The following ZDHHC8 variants were observed in gnomAD, a reference collection of about 807,000 sequenced individuals.
ZDHHC8 encodes the protein zDHHC palmitoyltransferase 8, also known as palmitoyltransferase ZDHHC8.
A neutral mutation model predicts 61.2 loss-of-function variants in ZDHHC8; 24 were observed. The ratio of observed to expected loss-of-function variants is 0.39; its 90% CI spans 0.28 to 0.55. The LOEUF is 0.55. Ranked by LOEUF, ZDHHC8 falls within the 20% of genes least tolerant of loss-of-function variation. The probability of loss-of-function intolerance (pLI) is 0.60; values close to 1 mark genes in which losing one functional copy is unlikely to be tolerated. For synonymous variants in ZDHHC8, 523 were observed against 492.5 expected (o/e 1.06, Z -0.82); for missense variants, 935 against 1,102.1 (o/e 0.85, Z 2.15).
chr22:20,144,937 C>T (rs4819866), intron 10 of ZDHHC8, among the ~76,000 whole-genome samples: 19,732 of 152,230 alleles, frequency 0.13, 2,220 homozygotes, highest in East Asian at 0.52. Flanking sequence ...CCCATGCTCT[C>T]TGTGGCCAGT....
chr22:20,144,006 GTTC>G (rs1374528586), intron 10 of ZDHHC8, among the ~76,000 whole-genome samples: 3 of 152,176 alleles, frequency 2.0e-5, no homozygotes, highest in Non-Finnish European at 4.4e-5. Flanking sequence ...CCGACGACTC[GTTC>G]TTCTAGAGCT....
Position 20,146,794 on chromosome 22 carries a change from G to A in ZDHHC8, c.*1394G>A. The A allele has an allele frequency of 8.1e-7, 1 of 1,235,614 alleles. No homozygotes were observed. The highest frequency in any genetic ancestry group is 1.0e-6 in the Non-Finnish European group (1 of 990,246). 76.5% of individuals were successfully genotyped at this position (1,235,614 alleles called of 1,614,324 possible). ...GGGGAGATGAAATGGGGGTGCATAGGGGCCACCTGTTGGCTCAGGGCCCTG... is the reference window on the plus strand; with the variant it reads ...GGGGAGATGAAATGGGGGTGCATAGAGGCCACCTGTTGGCTCAGGGCCCTG... On this transcript the variant is annotated 3_prime_UTR_variant, in exon 11 of 11. Transcript: ENST00000334554.
Position 20,139,211 on chromosome 22 carries a change from G to A in ZDHHC8, c.122G>A (p.Arg41Gln), listed in dbSNP as rs750468437. Residue 41 changes from arginine to glutamine, a missense_variant, in exon 2 of 11, where the codon CGA (arginine) becomes CAA (glutamine). By Grantham distance (43) the Arg-to-Gln change is conservative (BLOSUM62 1). Around this residue, in one of 3 missense-constraint regions of ZDHHC8, gnomAD observed 199 missense variants for 334.0 expected, o/e 0.60. Transcript: ENST00000334554. ...TACTGCAGGTGCCCGTGGTTGACAC[G>A]AGCTGTGTCCCCAGCTGTTCCCGTC... ...FFVFTCPWLTRAVSPAVPVYN... is the reference protein window; with the variant it reads ...FFVFTCPWLTQAVSPAVPVYN... 5.6e-6 allele frequency: 9 copies of A among 1,613,576 alleles called. No individual in the cohort carries two copies. The highest frequency in any genetic ancestry group is 2.2e-5 in the East Asian group (1 of 44,900).
intron 1 of ZDHHC8, among the ~76,000 whole-genome samples, chr22:20,136,383 T>C (rs2050420421): frequency 6.6e-6 from 1 of 152,366 alleles, no homozygotes; most frequent in South Asian, 2.1e-4. Flanking sequence ...CCTGTCCCCA[T>C]GTGTCCTCAT....
At chr22:20,141,617 GC>G in intron 9 of ZDHHC8, 87 bp downstream of exon 9, 3 of 1,134,706 alleles carry the variant, frequency 2.6e-6, no homozygotes, top group Non-Finnish European at 3.8e-6. Flanking sequence ...CCCCGTGAAG[GC>G]CCCACCTCCA....
In ZDHHC8 at chr22:20,141,210, C is replaced by T. The variant is rs201416007; in HGVS notation, c.895-7C>T. Reference sequence around the variant, plus strand: ...CCCCACACACCACTGACCCCGCTCCCTCCCAGTCCAAGGGCAGCCTGGACC... The same window carrying T: ...CCCCACACACCACTGACCCCGCTCCTTCCCAGTCCAAGGGCAGCCTGGACC... On this transcript the variant is annotated splice_region_variant and splice_polypyrimidine_tract_variant and intron_variant, in intron 7 of 10. Coordinates refer to ENST00000334554, the MANE Select transcript of ZDHHC8 (RefSeq NM_013373.4). 8.7e-6 allele frequency: 14 copies of T among 1,610,092 alleles called. No individual in the cohort carries two copies. The African/African-American group carries it at 1.3e-4, about 15-fold the overall frequency.
At chr22:20,141,137 G>T (rs2050465624) in intron 7 of ZDHHC8, 80 bp from the exon 8 acceptor site, 4 of 1,582,782 alleles carry the variant, frequency 2.5e-6, no homozygotes, top group African/African-American at 1.3e-5. Context: ...TTGGGAGGGG[G>T]CTAGGTCCCA....
At chr22:20,132,749 C>A (rs984992061) in intron 1 of ZDHHC8, among the ~76,000 whole-genome samples, 2 of 152,244 alleles carry the variant, frequency 1.3e-5, no homozygotes, top group Admixed American at 6.5e-5. Flanking sequence ...GACACTGGGC[C>A]CCTCCAGCCT....
intron 10 of ZDHHC8, among the ~76,000 whole-genome samples, 193 bp from the exon 11 acceptor site, chr22:20,145,036 G>A (rs1462371053): frequency 1.3e-5 from 2 of 152,136 alleles, no homozygotes; most frequent in African/African-American, 4.8e-5. Context: ...TGCTCCCCAG[G>A]CAGGCTCTGC....
At position 20,145,597 on chromosome 22, in the gene ZDHHC8, G is replaced by C. The variant is rs1459156686; in HGVS notation, c.*197G>C. ...TGCCCGTCCACTCATCTGCCCATGG[G>C]GAAGTCGGCTCACTGGGACAAGGGC... On this transcript the variant is annotated 3_prime_UTR_variant, in exon 11 of 11. Coordinates refer to ENST00000334554, the MANE Select transcript of ZDHHC8 (RefSeq NM_013373.4). The C allele has an allele frequency of 1.1e-5, 14 of 1,245,626 alleles. No homozygotes were observed. The highest frequency in any genetic ancestry group is 1.4e-5 in the Non-Finnish European group (14 of 992,824). The allele number at this position is 1,245,626 out of a possible 1,614,324, so 77.2% of individuals were successfully genotyped here.
chr22:20,136,764 T>A (rs976985878), intron 1 of ZDHHC8, among the ~76,000 whole-genome samples: 1 of 152,234 alleles, frequency 6.6e-6, no homozygotes, highest in African/African-American at 2.4e-5. Context: ...TGTGCATGTG[T>A]GCCTTCTGTG....
chr22:20,143,395 C>T lies in ZDHHC8; in HGVS notation c.1765C>T (p.Gln589Ter). The T allele has an allele frequency of 6.3e-7, 1 of 1,587,282 alleles. No individual in the cohort carries two copies. The highest frequency in any genetic ancestry group is 8.5e-7 in the Non-Finnish European group (1 of 1,171,186). ...CGCTCCCAGCTCCTACAGCCTGCAG[C>T]AGGCCAGTGTGCTGTCCGAGGGCCC... Reference protein sequence around the residue: ...YDAPSSYSLQQASVLSEGPRG... With the variant: ...YDAPSSYSLQ Residue 589 changes from glutamine to a stop codon, truncating the protein, a stop_gained, in exon 10 of 11, where the codon CAG becomes TAG. Coordinates refer to ENST00000334554, the MANE Select transcript of ZDHHC8 (RefSeq NM_013373.4). LOFTEE classifies it high-confidence loss of function.
Position 20,147,457 on chromosome 22 carries a change from A to G in ZDHHC8, c.*2057A>G. On this transcript the variant is annotated 3_prime_UTR_variant, in exon 11 of 11. Coordinates refer to ENST00000334554, the MANE Select transcript of ZDHHC8 (RefSeq NM_013373.4). Reference sequence around the variant, plus strand: ...GGGGTCCAGCACCCCACAGGGGGGCAGTCCCAGAGCTGTGGGGACCGGCAC... The same window carrying G: ...GGGGTCCAGCACCCCACAGGGGGGCGGTCCCAGAGCTGTGGGGACCGGCAC... 3 of 440,036 alleles carry G rather than the reference A, an allele frequency of 6.8e-6. No homozygotes were observed. The highest frequency in any genetic ancestry group is 1.2e-5 in the Non-Finnish European group (3 of 255,030). 27.3% of individuals were successfully genotyped at this position (440,036 alleles called of 1,614,324 possible).
At position 20,147,936 on chromosome 22, in the gene ZDHHC8, A is replaced by G. The variant is rs2050546465; in HGVS notation, c.*2536A>G. On this transcript the variant is annotated 3_prime_UTR_variant, in exon 11 of 11. Coordinates refer to ENST00000334554, the MANE Select transcript of ZDHHC8 (RefSeq NM_013373.4). ...CCCATTTGGGGACGAGAAAGCCACA[A>G]AACCATTCTCTATTGTTCTTAAGGG... is the stretch of plus-strand genomic sequence containing the variant. 1 of 152,370 alleles carries G rather than the reference A, an allele frequency of 6.6e-6. No homozygotes were observed. Among genetic ancestry groups the G allele is most frequent in the Admixed American group, 6.5e-5 (1 of 15,298 alleles). The allele number at this position is 152,370 out of a possible 1,614,324, so 9.4% of individuals were successfully genotyped here.
At chr22:20,132,913 C>T (rs1389053453) in intron 1 of ZDHHC8, among the ~76,000 whole-genome samples, 1 of 152,222 alleles carries the variant, frequency 6.6e-6, no homozygotes, top group Non-Finnish European at 1.5e-5. Flanking sequence ...CTTCAACCAC[C>T]CACCCCCCTT....
At position 20,141,298 on chromosome 22, in the gene ZDHHC8, T is replaced by C; in HGVS notation, c.976T>C (p.Phe326Leu). 1.2e-6 allele frequency: 2 copies of C among 1,612,830 alleles called. No homozygotes were observed. The highest frequency in any genetic ancestry group is 1.7e-6 in the Non-Finnish European group (2 of 1,179,918). ...PLPPKIEAGTFSSDLQTPRPG... is the reference protein window; with the variant it reads ...PLPPKIEAGTLSSDLQTPRPG... ...GCCCCCCAAGATAGAGGCTGGCACG[T>C]TCAGCAGTGACCTGCAGACCCCGCG... The change falls in exon 8 of 11, where the codon TTC becomes CTC. Residue 326 changes from phenylalanine (F) to leucine (L), a missense_variant. Phe to Leu is a conservative substitution (Grantham distance 22). Transcript: ENST00000334554.
Position 20,147,398 on chromosome 22 carries a change from C to T in ZDHHC8, c.*1998C>T. ...CTGCCAGGGCCTGAGACCCTGTGTCCACATGACCTCAGGGAGTCCCCCACC... is the reference window on the plus strand; with the variant it reads ...CTGCCAGGGCCTGAGACCCTGTGTCTACATGACCTCAGGGAGTCCCCCACC... On this transcript the variant is annotated 3_prime_UTR_variant, in exon 11 of 11. Transcript: ENST00000334554. 1.5e-6 allele frequency: 1 copy of T among 682,152 alleles called. No homozygotes were observed. 42.3% of individuals were successfully genotyped at this position (682,152 alleles called of 1,614,324 possible).
Position 20,139,826 on chromosome 22 carries a change from T to A in ZDHHC8, c.491T>A (p.Val164Glu), listed in dbSNP as rs1424003581. Residue 164 changes from valine to glutamate, a missense_variant, in exon 4 of 11, where the codon GTG (valine) becomes GAG (glutamate). By Grantham distance (121) the Val-to-Glu change is moderately radical. Coordinates refer to ENST00000334554, the MANE Select transcript of ZDHHC8 (RefSeq NM_013373.4). Reference protein sequence around the residue: ...LSLSAHMVGVVAFGLVYVLNH... With the variant: ...LSLSAHMVGVEAFGLVYVLNH... ...CTCAGTGCACACATGGTGGGCGTCG[T>A]GGCCTTCGGCCTGGTCTACGTGCTG... The A allele has an allele frequency of 1.2e-6, 2 of 1,612,902 alleles. No homozygotes were observed. The highest frequency in any genetic ancestry group is 1.7e-6 in the Non-Finnish European group (2 of 1,180,018).
chr22:20,141,269 C>T lies in ZDHHC8; in HGVS notation c.947C>T (p.Pro316Leu), dbSNP rs753186741. The T allele has an allele frequency of 1.2e-6, 2 of 1,612,790 alleles. No homozygotes were observed. The highest frequency in any genetic ancestry group is 1.3e-5 in the African/African-American group (1 of 75,028). Residue 316 changes from proline to leucine, a missense_variant, in exon 8 of 11, where the codon CCA (proline) becomes CTA (leucine). Pro to Leu is a moderately conservative substitution (Grantham distance 98). Transcript: ENST00000334554. ...GAGAAGCCACTGGACTTGGGGCCACCACTGCCCCCCAAGATAGAGGCTGGC... is the reference window on the plus strand; with the variant it reads ...GAGAAGCCACTGGACTTGGGGCCACTACTGCCCCCCAAGATAGAGGCTGGC... ...LDEKPLDLGPPLPPKIEAGTF... is the reference protein window; with the variant it reads ...LDEKPLDLGPLLPPKIEAGTF...
Sources: allele counts gnomAD v4.1 joint callset (sites outside exome capture counted in the v4.1 genomes callset), GRCh38; gene constraint gnomAD v4.1.1; regional missense constraint gnomAD v4.1.1; transcripts MANE v1.5; gene names NCBI Gene and HGNC (gene_info 2026-07-23, HGNC 2026-07-21).